The following SELENOP variants were observed in gnomAD, a reference collection of about 807,000 sequenced individuals.
SELENOP encodes the protein selenoprotein P, plasma, 1.
SELENOP carries 36 observed loss-of-function variants against 41.0 expected under a neutral mutation model. That is an observed-to-expected ratio of 0.88 (90% CI 0.67 to 1.16). The LOEUF is 1.16. Among genes scored for constraint, SELENOP ranks in the 50% most tolerant of loss-of-function variants. The pLI, the probability that SELENOP is intolerant of heterozygous loss-of-function variation, is 0.00. For synonymous variants in SELENOP, 144 were observed against 150.8 expected (o/e 0.95, Z 0.33); for missense variants, 440 against 454.2 (o/e 0.97, Z 0.28).
chr5:42,802,844 C>T (rs970780015), intron 4 of SELENOP, among the ~76,000 whole-genome samples: 2 of 152,166 alleles, frequency 1.3e-5, no homozygotes, highest in Non-Finnish European at 2.9e-5. Flanking sequence ...CTATTGACCT[C>T]GTGATTCATC....
rs749942093 is a variant in SELENOP, at chr5:42,800,795, C to T, written c.1071G>A (p.Gln357=). The part of the protein sequence containing the change: ...LPPAAUQISQ[Q]LIPTEASASU... ...TGGCACTGGCTTCTGTGGGTATAAGCTGCTGACTTATTTGTCAGGCAGCTG... is the reference window on the plus strand; with the variant it reads ...TGGCACTGGCTTCTGTGGGTATAAGTTGCTGACTTATTTGTCAGGCAGCTG... Residue 357 remains glutamine (Q), a synonymous_variant, in exon 5 of 5, where the codon CAG becomes CAA. Coordinates refer to ENST00000514985, the MANE Select transcript of SELENOP (RefSeq NM_005410.4). 3.7e-6 allele frequency: 6 copies of T among 1,614,082 alleles called. No individual in the cohort carries two copies. In the African/African-American group the frequency reaches 8.0e-5, roughly 22 times the overall value.
chr5:42,800,839 A>G lies in SELENOP; in HGVS notation c.1027T>C (p.Cys343Arg). The change falls in exon 5 of 5, where the codon TGT becomes CGT. Residue 343 changes from cysteine (C) to arginine (R), a missense_variant. By Grantham distance (180) the Cys-to-Arg change is radical. Coordinates refer to ENST00000514985, the MANE Select transcript of SELENOP (RefSeq NM_005410.4). Reference protein sequence around the residue: ...LRAEENITESCQURLPPAAUQ... With the variant: ...LRAEENITESRQURLPPAAUQ... ...GCAGCTGGAGGCAAACGTCACTGAC[A>G]AGATTCAGTTATGTTCTCCTCTGCC... 1 of 1,614,244 alleles carries G rather than the reference A, an allele frequency of 6.2e-7. No individual in the cohort carries two copies. The highest frequency in any genetic ancestry group is 8.5e-7 in the Non-Finnish European group (1 of 1,180,040).
intron 4 of SELENOP, chr5:42,802,410 T>C (rs1367004569): frequency 1.3e-5 from 2 of 152,252 alleles, no homozygotes; most frequent in Non-Finnish European, 2.9e-5. Context: ...TAAAAGGTTA[T>C]AAATTCCATT....
chr5:42,803,954 G>C (rs1760267988), intron 4 of SELENOP, among the ~76,000 whole-genome samples: 1 of 152,222 alleles, frequency 6.6e-6, no homozygotes, highest in South Asian at 2.1e-4. Context: ...TCCATTCCAA[G>C]TAATGCTGTG....
intron 1 of SELENOP, among the ~76,000 whole-genome samples, chr5:42,811,125 G>C (rs191300577): frequency 1.5e-3 from 224 of 152,312 alleles, no homozygotes; most frequent in African/African-American, 5.0e-3. Context: ...GCCACATTCA[G>C]ACCTACATTT....
At chr5:42,803,722 C>T (rs11959466) in intron 4 of SELENOP, among the ~76,000 whole-genome samples, 5,528 of 152,204 alleles carry the variant, frequency 0.036, 139 homozygotes, top group Non-Finnish European at 0.056. Flanking sequence ...AAATTAAATT[C>T]TTTGAGTGCC....
intron 1 of SELENOP, chr5:42,810,858 CAG>C (rs1250265496): frequency 9.6e-6 from 7 of 730,876 alleles, no homozygotes; most frequent in Middle Eastern, 3.3e-4. Context: ...AACCCATTGG[CAG>C]AGAGTTGTAG....
Position 42,800,627 on chromosome 5 carries a change from C to A in SELENOP, c.*93G>T, listed in dbSNP as rs917569713. 1 of 1,403,500 alleles carries A rather than the reference C, an allele frequency of 7.1e-7. No individual in the cohort carries two copies. Among genetic ancestry groups the A allele is most frequent in the African/African-American group, 1.4e-5 (1 of 69,826 alleles). The allele number at this position is 1,403,500 out of a possible 1,614,324, so 86.9% of individuals were successfully genotyped here. The stretch of plus-strand genomic sequence containing the variant: ...CTCCATGTTTGCACAAATCTAATTT[C>A]TATTTTTGGTTCACTAATTTGGTAG... On this transcript the variant is annotated 3_prime_UTR_variant, in exon 5 of 5. Coordinates refer to ENST00000514985, the MANE Select transcript of SELENOP (RefSeq NM_005410.4).
At chr5:42,809,104 T>C (rs1263641294) in intron 1 of SELENOP, among the ~76,000 whole-genome samples, 1 of 152,146 alleles carries the variant, frequency 6.6e-6, no homozygotes, top group Non-Finnish European at 1.5e-5. Context: ...TATATTTATC[T>C]CTTGGGTATG....
chr5:42,800,105 A>T lies in SELENOP; in HGVS notation c.*615T>A, dbSNP rs935008624. 1 of 220,776 alleles carries T rather than the reference A, an allele frequency of 4.5e-6. No individual in the cohort carries two copies. Among genetic ancestry groups the T allele is most frequent in the African/African-American group, 2.3e-5 (1 of 43,092 alleles). 13.7% of individuals were successfully genotyped at this position (220,776 alleles called of 1,614,324 possible). A position where few individuals can be genotyped will look rare whatever the true frequency, so the allele number is the denominator to read the frequency against. On this transcript the variant is annotated 3_prime_UTR_variant, in exon 5 of 5. Coordinates refer to ENST00000514985, the MANE Select transcript of SELENOP (RefSeq NM_005410.4). ...TTAAGACAGCCACTCAAGTTTTAGAAGAGTATGATACAACATTAGAGAAAG... is the reference window on the plus strand; with the variant it reads ...TTAAGACAGCCACTCAAGTTTTAGATGAGTATGATACAACATTAGAGAAAG...
chr5:42,805,773 A>T (rs28919902), intron 3 of SELENOP: 1 of 152,204 alleles, frequency 6.6e-6, no homozygotes, highest in African/African-American at 2.4e-5. Context: ...CGAAATGCCA[A>T]TTTATGGGGA....
At chr5:42,804,628 T>C (rs1209024762) in intron 4 of SELENOP, 28 bp downstream of exon 4, 1 of 1,299,756 alleles carries the variant, frequency 7.7e-7, no homozygotes, top group Admixed American at 2.0e-5. Flanking sequence ...TCCTCTTTTC[T>C]CCCCAGAAAA....
At chr5:42,808,475 C>T (rs776516270) in intron 1 of SELENOP, 109 bp from the exon 2 acceptor site, 42 of 406,646 alleles carry the variant, frequency 1.0e-4, no homozygotes, top group Non-Finnish European at 1.7e-4. Flanking sequence ...AATACCTAGC[C>T]CATGAATTCT....
chr5:42,809,697 G>T (rs1760418650), intron 1 of SELENOP: 1 of 473,028 alleles, frequency 2.1e-6, no homozygotes, highest in Non-Finnish European at 2.8e-6. Context: ...TGCACTGGTA[G>T]ATATAGATAG....
chr5:42,811,681 C>T (rs1421769858), intron 1 of SELENOP, among the ~76,000 whole-genome samples, 155 bp downstream of exon 1: 1 of 152,222 alleles, frequency 6.6e-6, no homozygotes, highest in East Asian at 1.9e-4. Flanking sequence ...TAAGTTCAGA[C>T]TCTTCTTATT....
Position 42,801,215 on chromosome 5 carries a change from G to C in SELENOP, c.651C>G (p.His217Gln). ...TCTCTGAAAGCTCACTGCTGCCAAG[G>C]TGCTGATGTCCATGATTGTGATGAT... is the stretch of plus-strand genomic sequence containing the variant. ...HEHHHNHGHQ[H>Q]LGSSELSENQ... The change falls in exon 5 of 5, where the codon CAC becomes CAG. Residue 217 changes from histidine to glutamine, a missense_variant. His to Gln is a conservative substitution (Grantham distance 24). Coordinates refer to ENST00000514985, the MANE Select transcript of SELENOP (RefSeq NM_005410.4). 1 of 1,614,078 alleles carries C rather than the reference G, an allele frequency of 6.2e-7. No homozygotes were observed. The highest frequency in any genetic ancestry group is 8.5e-7 in the Non-Finnish European group (1 of 1,180,016).
In SELENOP at chr5:42,805,499, C is replaced by G. The variant is rs1158563475; in HGVS notation, c.417-726G>C. The G allele has an allele frequency of 2.0e-5, 3 of 152,070 alleles. No individual in the cohort carries two copies. The East Asian group carries it at 5.8e-4, about 29-fold the overall frequency. The allele number at this position is 152,070 out of a possible 1,614,324, so 9.4% of individuals were successfully genotyped here. On this transcript the variant is annotated intron_variant, in intron 3 of 4. Transcript: ENST00000514985. ...CCGGAGAGTCAAAAAAAACAAAGCA[C>G]CAACTAAGAATGTTTATAATGGCAT...
intron 4 of SELENOP, among the ~76,000 whole-genome samples, chr5:42,803,422 A>G (rs1378125699): frequency 5.9e-5 from 9 of 152,184 alleles, no homozygotes; most frequent in Non-Finnish European, 1.0e-4. Context: ...ATCTTTAAAA[A>G]TAGTAAAATA....
In SELENOP at chr5:42,808,287, C is replaced by T. The variant is rs770528875; in HGVS notation, c.67G>A (p.Asp23Asn). Reference protein sequence around the residue: ...LLPSGGTESQDQSSLCKQPPA... With the variant: ...LLPSGGTESQNQSSLCKQPPA... ...GGTTGCTTACATAAGGAGCTTTGGTCCTGGCTCTCTGTTCCTCCCGATGGG... is the reference window on the plus strand; with the variant it reads ...GGTTGCTTACATAAGGAGCTTTGGTTCTGGCTCTCTGTTCCTCCCGATGGG... The change falls in exon 2 of 5, where the codon GAC becomes AAC. Residue 23 changes from aspartate (D) to asparagine (N), a missense_variant. Transcript: ENST00000514985. 8 of 1,556,136 alleles carry T rather than the reference C, an allele frequency of 5.1e-6. No homozygotes were observed. In the South Asian group the frequency reaches 7.3e-5, roughly 14 times the overall value.
Sources: allele counts gnomAD v4.1 joint callset (sites outside exome capture counted in the v4.1 genomes callset), GRCh38; gene constraint gnomAD v4.1.1; transcripts MANE v1.5; gene names NCBI Gene and HGNC (gene_info 2026-07-23, HGNC 2026-07-21).